Variants in FHOD3 observed in about 807,000 individuals in gnomAD.
FHOD3 encodes formin homology 2 domain containing 3.
Under a neutral mutation model 173.0 loss-of-function variants are expected in FHOD3, and 90 were observed. The observed-to-expected ratio is 0.52, with a 90% CI of 0.44 to 0.62. The LOEUF (loss-of-function observed/expected upper bound fraction) is 0.62. Ranked by LOEUF, FHOD3 falls within the 20% of genes least tolerant of loss-of-function variation. FHOD3 has a pLI of 0.00. For synonymous variants in FHOD3, 828 were observed against 823.0 expected, an observed-to-expected ratio of 1.01 and a Z score of -0.10; for missense variants, 1,945 against 2,034.7, an observed-to-expected ratio of 0.96 and a Z score of 0.85.
At position 36,602,663 on chromosome 18, in the gene FHOD3, T is replaced by G; in HGVS notation, c.719-11T>G. ...AATTGCTGTTTCTAATGATTTTTGC[T>G]TTACTCATAGGGGTCAAACCTTGGT... On this transcript the variant is annotated splice_polypyrimidine_tract_variant and intron_variant, in intron 7 of 28. Transcript: ENST00000590592. The G allele has an allele frequency of 6.2e-7, 1 of 1,603,100 alleles. No individual in the cohort carries two copies. The highest frequency in any genetic ancestry group is 8.5e-7 in the Non-Finnish European group (1 of 1,169,904).
chr18:36,599,178 T>G (rs1164122150), intron 7 of FHOD3, among the ~76,000 whole-genome samples: 1 of 152,166 alleles, frequency 6.6e-6, no homozygotes, highest in Admixed American at 6.5e-5. Flanking sequence ...GGGTATGGGG[T>G]CCTTCCTTTT....
At chr18:36,596,321 ATTTTTTTTTTT>A (rs539907617) in intron 7 of FHOD3, among the ~76,000 whole-genome samples, 12 of 57,496 alleles carry the variant, frequency 2.1e-4, no homozygotes, top group African/African-American at 7.0e-4. Flanking sequence ...TGCCCAGCTA[ATTTTTTTTTTT>A]TTTTTTTTTT....
chr18:36,517,050 G>A (rs2056027043), intron 5 of FHOD3, among the ~76,000 whole-genome samples: 1 of 152,138 alleles, frequency 6.6e-6, no homozygotes, highest in Non-Finnish European at 1.5e-5. Flanking sequence ...CTGCTGAGAG[G>A]TAGAGATAGG....
chr18:36,538,066 A>C (rs1003158789), intron 5 of FHOD3, among the ~76,000 whole-genome samples: 5 of 152,212 alleles, frequency 3.3e-5, no homozygotes, highest in African/African-American at 1.2e-4. Flanking sequence ...ATCATTTGGA[A>C]ACAAACAAAC....
At chr18:36,388,962 TG>T (rs1300404916) in intron 3 of FHOD3, among the ~76,000 whole-genome samples, 1 of 152,082 alleles carries the variant, frequency 6.6e-6, no homozygotes, top group African/African-American at 2.4e-5. Context: ...CAGCTCCCTC[TG>T]GGGGGCACCG....
intron 8 of FHOD3, among the ~76,000 whole-genome samples, chr18:36,609,396 A>AT (rs1213755008): frequency 6.6e-6 from 1 of 152,012 alleles, no homozygotes; most frequent in African/African-American, 2.4e-5. Flanking sequence ...TAAAAGATGT[A>AT]TAGCACCCTC....
At chr18:36,635,299 G>A (rs866488318) in intron 10 of FHOD3, among the ~76,000 whole-genome samples, 28 of 152,346 alleles carry the variant, frequency 1.8e-4, no homozygotes, top group Middle Eastern at 3.4e-3. Flanking sequence ...GAACTTCCCT[G>A]AATTGAATCT....
chr18:36,474,842 T>C (rs2053470820), intron 3 of FHOD3, among the ~76,000 whole-genome samples: 1 of 152,114 alleles, frequency 6.6e-6, no homozygotes, highest in Non-Finnish European at 1.5e-5. Flanking sequence ...GCCCTCTGGC[T>C]GGAATGAGCC....
At chr18:36,703,317 C>T (rs895534924) in intron 17 of FHOD3, among the ~76,000 whole-genome samples, 3 of 152,100 alleles carry the variant, frequency 2.0e-5, no homozygotes, top group African/African-American at 7.2e-5. Flanking sequence ...AGGGGCTGAG[C>T]CAGGGAGAGG....
At chr18:36,443,659 G>T (rs2051282176) in intron 3 of FHOD3, among the ~76,000 whole-genome samples, 1 of 152,172 alleles carries the variant, frequency 6.6e-6, no homozygotes, top group Admixed American at 6.5e-5. Context: ...GATCTTGAAG[G>T]CTGGATGTGC....
chr18:36,542,949 A>T (rs1248375755), intron 5 of FHOD3, among the ~76,000 whole-genome samples: 1 of 152,190 alleles, frequency 6.6e-6, no homozygotes, highest in Non-Finnish European at 1.5e-5. Flanking sequence ...CATTATTCCA[A>T]ATATTTCTGT....
At chr18:36,453,596 G>C (rs796665799) in intron 3 of FHOD3, among the ~76,000 whole-genome samples, 4 of 152,230 alleles carry the variant, frequency 2.6e-5, no homozygotes, top group African/African-American at 7.2e-5. Flanking sequence ...AATGTCACAC[G>C]CATGTGCCAA....
intron 3 of FHOD3, among the ~76,000 whole-genome samples, chr18:36,457,977 AT>A (rs1314247674): frequency 4.6e-5 from 7 of 152,186 alleles, no homozygotes; most frequent in Admixed American, 3.3e-4. Flanking sequence ...TGAGGGGTAA[AT>A]TCTGGAGTCC....
chr18:36,357,309 T>C (rs912815647), intron 2 of FHOD3, among the ~76,000 whole-genome samples: 39 of 152,230 alleles, frequency 2.6e-4, no homozygotes, highest in Non-Finnish European at 5.1e-4. Flanking sequence ...AACACTTTAC[T>C]AGGTCAGAAC....
At chr18:36,447,238 T>C (rs2051538898) in intron 3 of FHOD3, among the ~76,000 whole-genome samples, 1 of 152,138 alleles carries the variant, frequency 6.6e-6, no homozygotes, top group Admixed American at 6.5e-5. Context: ...CTCCAGGCCT[T>C]TGTGTAAAAA....
intron 27 of FHOD3, among the ~76,000 whole-genome samples, chr18:36,767,654 C>T (rs184322705): frequency 2.5e-4 from 38 of 152,276 alleles, no homozygotes; most frequent in Admixed American, 2.2e-3. Flanking sequence ...CATCATTGTT[C>T]TATAGCCACA....
At chr18:36,500,854 C>T (rs1322713588) in intron 3 of FHOD3, among the ~76,000 whole-genome samples, 2 of 152,282 alleles carry the variant, frequency 1.3e-5, no homozygotes, top group South Asian at 2.1e-4. Context: ...AGTCTGGCAT[C>T]GGGTGCTAGG....
intron 28 of FHOD3, among the ~76,000 whole-genome samples, chr18:36,772,774 T>C (rs554384544): frequency 1.3e-5 from 2 of 152,320 alleles, no homozygotes; most frequent in African/African-American, 4.8e-5. Context: ...GAGTAAAATG[T>C]CTCAAATCGT....
chr18:36,517,945 G>A (rs1040367604), intron 5 of FHOD3, among the ~76,000 whole-genome samples: 10 of 152,186 alleles, frequency 6.6e-5, no homozygotes, highest in African/African-American at 2.2e-4. Context: ...TGTATGGTCA[G>A]ATGGTGTTTG....
Sources: gnomAD v4.1 joint callset for allele counts (sites outside exome capture counted in the v4.1 genomes callset) on GRCh38, gnomAD v4.1.1 for gene constraint, MANE v1.5 for transcripts, NCBI Gene and HGNC (gene_info 2026-07-23, HGNC 2026-07-21) for gene names.